Variants in KIF3C observed in about 807,000 individuals in gnomAD.
KIF3C encodes kinesin-like protein KIF3C.
Under a neutral mutation model 67.7 loss-of-function variants are expected in KIF3C, and 12 were observed. The observed-to-expected ratio is 0.18, with a 90% CI of 0.11 to 0.29. The LOEUF (loss-of-function observed/expected upper bound fraction) is 0.29, where lower values mean the gene tolerates loss of function less well. Ranked by LOEUF, KIF3C falls within the 10% of genes least tolerant of loss-of-function variation. The pLI is 1.00. For synonymous variants in KIF3C, 393 were observed against 426.2 expected, an observed-to-expected ratio of 0.92 and a Z score of 0.96; for missense variants, 789 against 1,059.6, an observed-to-expected ratio of 0.74 and a Z score of 3.55.
chr2:25,930,408 C>T (rs575443677), intron 5 of KIF3C, among the ~76,000 whole-genome samples: 14 of 152,246 alleles, frequency 9.2e-5, no homozygotes, highest in Admixed American at 1.3e-4. Context: ...ACCCACGCTG[C>T]AGTGCAGTGG....
intron 1 of KIF3C, among the ~76,000 whole-genome samples, chr2:25,966,294 T>A (rs963993826): frequency 6.6e-6 from 1 of 152,042 alleles, no homozygotes; most frequent in African/African-American, 2.4e-5. Flanking sequence ...TTAGTAGAGA[T>A]GGGGTTTCAC....
rs537042525 is a variant in KIF3C, at chr2:25,954,878, T to A, written c.1771-493A>T. 2.6e-4 allele frequency among the ~76,000 whole-genome samples: 40 copies of A among 152,034 alleles called. 1 individual carries two copies. In the South Asian group the frequency reaches 8.3e-3, roughly 32 times the overall value. On this transcript the variant is annotated intron_variant, in intron 3 of 7. Coordinates refer to ENST00000264712, the MANE Select transcript of KIF3C (RefSeq NM_002254.8). ...GGCTCTCAAAAGTGGGGTGTGGAGGTAGCATGGCCATCCTGCTCCTCTCCA... is the reference window on the plus strand; with the variant it reads ...GGCTCTCAAAAGTGGGGTGTGGAGGAAGCATGGCCATCCTGCTCCTCTCCA...
intron 1 of KIF3C, among the ~76,000 whole-genome samples, chr2:25,957,506 A>G (rs1663836877): frequency 6.6e-6 from 1 of 152,194 alleles, no homozygotes; most frequent in African/African-American, 2.4e-5. Context: ...GTCCCAGGGT[A>G]CCCAGTTGTC....
chr2:25,942,918 G>T (rs1051690554), intron 5 of KIF3C, among the ~76,000 whole-genome samples: 1 of 152,158 alleles, frequency 6.6e-6, no homozygotes, highest in African/African-American at 2.4e-5. Context: ...CTGGTCAGAG[G>T]GTGGGATGGA....
At position 25,980,247 on chromosome 2, in the gene KIF3C, G is replaced by A; in HGVS notation, c.1545+126C>T. 1 of 765,362 alleles carries A rather than the reference G, an allele frequency of 1.3e-6. No homozygotes were observed. The allele number at this position is 765,362 out of a possible 1,614,324, so 47.4% of individuals were successfully genotyped here. ...TGCTCTGGGGGCACATTTGGCAGGA[G>A]GGCAGTGTGCGGTGCTGAGGGAGAA... On this transcript the variant is annotated intron_variant, in intron 1 of 7. Transcript: ENST00000264712. The surrounding 1 kb of genome is among the most constrained non-coding windows in gnomAD (Gnocchi z 7.6).
intron 1 of KIF3C, among the ~76,000 whole-genome samples, chr2:25,956,950 A>T (rs1663820662): frequency 6.6e-6 from 1 of 152,186 alleles, no homozygotes; most frequent in Non-Finnish European, 1.5e-5. Context: ...AAGGGAGCAG[A>T]CTGCACAGCA....
At chr2:25,971,214 G>C (rs1427000230) in intron 1 of KIF3C, among the ~76,000 whole-genome samples, 1 of 150,678 alleles carries the variant, frequency 6.6e-6, no homozygotes, top group Non-Finnish European at 1.5e-5. Flanking sequence ...GGAGCTTGCA[G>C]TGAGCTGAGA....
At chr2:25,929,905 C>G in intron 6 of KIF3C, 50 bp downstream of exon 6, 1 of 1,333,024 alleles carries the variant, frequency 7.5e-7, no homozygotes, top group Non-Finnish European at 1.1e-6. Context: ...TGTGAGACAC[C>G]TCGCCCGGCC....
intron 1 of KIF3C, among the ~76,000 whole-genome samples, chr2:25,972,973 G>GAA (rs1268378263): frequency 1.3e-5 from 2 of 151,962 alleles, no homozygotes; most frequent in Admixed American, 1.3e-4. Flanking sequence ...ACAGAGAGCT[G>GAA]AAAAACATCC....
chr2:25,956,679 G>A (rs1055044122), intron 1 of KIF3C, among the ~76,000 whole-genome samples: 7 of 152,162 alleles, frequency 4.6e-5, no homozygotes, highest in South Asian at 2.1e-4. Context: ...GGTGCCCCTC[G>A]GGGAATCTAG....
chr2:25,948,640 AAGAGAAAGAGAGAAAGAGAAAG>A (rs1663510877), intron 5 of KIF3C, among the ~76,000 whole-genome samples: 1 of 138,122 alleles, frequency 7.2e-6, no homozygotes, highest in African/African-American at 2.9e-5. Flanking sequence ...GAGAGAGAGA[AAGAGAAAGAGAGAAAGAGAAAG>A]AGAGAAAGAG....
In KIF3C at chr2:25,980,390, G is replaced by A; in HGVS notation, c.1528C>T (p.Leu510Phe). 1.2e-6 allele frequency: 2 copies of A among 1,613,420 alleles called. No individual in the cohort carries two copies. Among genetic ancestry groups the A allele is most frequent in the Non-Finnish European group, 1.7e-6 (2 of 1,179,690 alleles). Residue 510 changes from leucine to phenylalanine, a missense_variant, in exon 1 of 8, where the codon CTT becomes TTT. Leu to Phe is a conservative substitution (Grantham distance 22). Around this residue, in one of 2 missense-constraint regions of KIF3C, gnomAD observed 648 missense variants for 807.8 expected, o/e 0.80. Coordinates refer to ENST00000264712, the MANE Select transcript of KIF3C (RefSeq NM_002254.8). The surrounding 1 kb of genome is among the most constrained non-coding windows in gnomAD (Gnocchi z 7.6). ...GCCCTTACCTTGTACTTGGCCGCAAGCAGCTCTGTGGCCTGCTGTTCCCGC... is the reference window on the plus strand; with the variant it reads ...GCCCTTACCTTGTACTTGGCCGCAAACAGCTCTGTGGCCTGCTGTTCCCGC... The part of the protein sequence containing the change: ...LRREQQATEL[L>F]AAKYKAMESK...
chr2:25,971,972 C>T (rs147050931), intron 1 of KIF3C, among the ~76,000 whole-genome samples: 2 of 147,140 alleles, frequency 1.4e-5, no homozygotes, highest in East Asian at 4.0e-4. Flanking sequence ...AGTGATCCTC[C>T]TACCTCACCC....
chr2:25,953,142 G>A lies in KIF3C; in HGVS notation c.1889+1125C>T, dbSNP rs146160753. On this transcript the variant is annotated intron_variant, in intron 4 of 7. Coordinates refer to ENST00000264712, the MANE Select transcript of KIF3C (RefSeq NM_002254.8). ...ACATTAGTCAGGTGTGGTGGTGGGC[G>A]CCTGTAGTCCCAGCTACTCAGGAGG... 1.9e-3 allele frequency among the ~76,000 whole-genome samples: 291 copies of A among 151,330 alleles called. 4 individuals carry two copies. The East Asian group carries it at 0.046, about 24-fold the overall frequency.
intron 5 of KIF3C, among the ~76,000 whole-genome samples, chr2:25,938,069 T>C (rs1459563967): frequency 6.7e-6 from 1 of 149,890 alleles, no homozygotes; most frequent in East Asian, 2.0e-4. Flanking sequence ...AAAAAAATTA[T>C]TATTATTTTG....
intron 1 of KIF3C, among the ~76,000 whole-genome samples, chr2:25,959,405 C>T (rs1045937182): frequency 1.3e-5 from 2 of 152,128 alleles, no homozygotes; most frequent in Non-Finnish European, 2.9e-5. Flanking sequence ...AACAAGTGCT[C>T]AATACGTATT....
chr2:25,951,505 T>C (rs752647155), intron 5 of KIF3C: 13 of 372,288 alleles, frequency 3.5e-5, no homozygotes, highest in Non-Finnish European at 6.0e-5. Context: ...TTCGCTAGGA[T>C]TGTCAAGAGG....
At position 25,954,365 on chromosome 2, in the gene KIF3C, C is replaced by A. The variant is rs757531543; in HGVS notation, c.1791G>T (p.Ala597=). 4 of 1,613,820 alleles carry A rather than the reference C, an allele frequency of 2.5e-6. No homozygotes were observed. The East Asian group carries it at 8.9e-5, about 36-fold the overall frequency. The change falls in exon 4 of 8, where the codon GCG becomes GCT. Residue 597 remains alanine (A), a synonymous_variant. Coordinates refer to ENST00000264712, the MANE Select transcript of KIF3C (RefSeq NM_002254.8). The part of the protein sequence containing the change: ...KLKKLYAKLQ[A]VKAEIQDQHD... ...GCTGGTCCTGGATCTCCGCCTTCACCGCCTGCAGCTTGGCGTAGAGCTGGG... is the reference window on the plus strand; with the variant it reads ...GCTGGTCCTGGATCTCCGCCTTCACAGCCTGCAGCTTGGCGTAGAGCTGGG...
rs1275073867 is a variant in KIF3C at position 25,930,204 on chromosome 2, A to G, written c.2007-141T>C. ...GGAATTTTCTTCTCCTTGCTCTAAT[A>G]CAGCTTGACAACTGAAGCTAGTGCA... On this transcript the variant is annotated intron_variant, in intron 5 of 7. Transcript: ENST00000264712. The G allele has an allele frequency of 4.6e-6, 3 of 654,454 alleles. No homozygotes were observed. In the African/African-American group the frequency reaches 5.4e-5, roughly 12 times the overall value. The allele number at this position is 654,454 out of a possible 1,614,324, so 40.5% of individuals were successfully genotyped here.
Sources: allele counts gnomAD v4.1 joint callset (sites outside exome capture counted in the v4.1 genomes callset), GRCh38; gene constraint gnomAD v4.1.1; regional missense constraint gnomAD v4.1.1; non-coding constraint Gnocchi (gnomAD v3.1); transcripts MANE v1.5; gene names NCBI Gene and HGNC (gene_info 2026-07-23, HGNC 2026-07-21).